Variants in TAB2 observed in about 807,000 individuals in gnomAD.
The protein encoded by TAB2 is TGF-beta-activated kinase 1 and MAP3K7-binding protein 2.
Under a neutral mutation model 65.0 loss-of-function variants are expected in TAB2, and 3 were observed. The observed-to-expected ratio is 0.05, with a 90% CI of 0.02 to 0.12. TAB2 has a LOEUF of 0.12. TAB2 is among the 10% of genes least tolerant of loss of function. The pLI is 1.00. For synonymous variants in TAB2, 298 were observed against 285.1 expected, an observed-to-expected ratio of 1.05 and a Z score of -0.46; for missense variants, 623 against 840.3, an observed-to-expected ratio of 0.74 and a Z score of 3.20.
intron 1 of TAB2, among the ~76,000 whole-genome samples, chr6:149,260,658 A>G (rs1476873528): frequency 2.0e-5 from 3 of 152,212 alleles, no homozygotes; most frequent in Non-Finnish European, 4.4e-5. Flanking sequence ...GGTCAAAAAT[A>G]GGCAAAACGA....
intron 2 of TAB2, 86 bp downstream of exon 2, chr6:149,370,185 C>T: frequency 8.6e-7 from 1 of 1,166,734 alleles, no homozygotes; most frequent in Non-Finnish European, 1.3e-6. Flanking sequence ...AGGTTATCTT[C>T]TTGTTGGTGT....
intron 2 of TAB2, among the ~76,000 whole-genome samples, chr6:149,373,778 A>C (rs1781308558): frequency 6.6e-6 from 1 of 152,194 alleles, no homozygotes; most frequent in Non-Finnish European, 1.5e-5. Flanking sequence ...ACCCCTTTTG[A>C]TACACTTCAA....
intron 1 of TAB2, among the ~76,000 whole-genome samples, chr6:149,360,031 C>CA (rs1479883226): frequency 6.6e-6 from 1 of 151,982 alleles, no homozygotes; most frequent in African/African-American, 2.4e-5. Context: ...AGTGAGATAC[C>CA]AGTAATAAAT....
At chr6:149,307,904 C>G (rs1180754831) in intron 1 of TAB2, among the ~76,000 whole-genome samples, 1 of 152,154 alleles carries the variant, frequency 6.6e-6, no homozygotes, top group African/African-American at 2.4e-5. Context: ...ATCTATCTTT[C>G]CAGACTTTTT....
intron 1 of TAB2, among the ~76,000 whole-genome samples, chr6:149,305,605 A>C (rs1779053989): frequency 6.6e-6 from 1 of 152,046 alleles, no homozygotes; most frequent in South Asian, 2.1e-4. Flanking sequence ...AAAGAAAAAA[A>C]AAAACAATAG....
At chr6:149,228,491 G>A (rs1005994252) in intron 1 of TAB2, among the ~76,000 whole-genome samples, 1 of 152,086 alleles carries the variant, frequency 6.6e-6, no homozygotes, top group Non-Finnish European at 1.5e-5. Context: ...ACTGTGAACC[G>A]TCCCCACCAT....
At chr6:149,244,189 C>T (rs1395375135) in intron 1 of TAB2, 3 of 152,238 alleles carry the variant, frequency 2.0e-5, no homozygotes, top group Non-Finnish European at 4.4e-5. Context: ...GGGAAACAGC[C>T]TCAATAAAAG....
At chr6:149,385,433 A>G (rs1781758877) in intron 3 of TAB2, among the ~76,000 whole-genome samples, 2 of 152,238 alleles carry the variant, frequency 1.3e-5, no homozygotes, top group African/African-American at 4.8e-5. Flanking sequence ...AGTCTGAGGC[A>G]GGAAGACTGC....
At chr6:149,294,041 A>G (rs1778830697) in intron 1 of TAB2, among the ~76,000 whole-genome samples, 1 of 152,252 alleles carries the variant, frequency 6.6e-6, no homozygotes, top group Non-Finnish European at 1.5e-5. Context: ...GAATTGCTGT[A>G]TAAATCCAGT....
intron 1 of TAB2, among the ~76,000 whole-genome samples, chr6:149,280,172 C>T (rs1232751947): frequency 6.6e-6 from 1 of 152,158 alleles, no homozygotes; most frequent in Non-Finnish European, 1.5e-5. Context: ...CCACAACTTT[C>T]TTGTTTCTTT....
chr6:149,357,430 A>AC (rs1554261743), intron 1 of TAB2, among the ~76,000 whole-genome samples: 2,703 of 111,176 alleles, frequency 0.024, 124 homozygotes, highest in African/African-American at 0.075. Context: ...AGAAAAAAAA[A>AC]ACACACACAC....
intron 1 of TAB2, among the ~76,000 whole-genome samples, chr6:149,308,653 C>T (rs936481459): frequency 3.3e-5 from 5 of 152,030 alleles, no homozygotes; most frequent in Admixed American, 1.3e-4. Context: ...CTCAGCCTCC[C>T]GAGTAGCTGG....
At chr6:149,318,195 A>G (rs1297881945) in intron 1 of TAB2, among the ~76,000 whole-genome samples, 180 bp downstream of exon 1, 1 of 149,486 alleles carries the variant, frequency 6.7e-6, no homozygotes, top group Non-Finnish European at 1.5e-5. Flanking sequence ...GGCGTGGCGG[A>G]GAGGGAGGCC....
chr6:149,280,408 C>G (rs1324670834), intron 1 of TAB2, among the ~76,000 whole-genome samples: 1 of 152,040 alleles, frequency 6.6e-6, no homozygotes, highest in Non-Finnish European at 1.5e-5. Flanking sequence ...GATTAGGAGC[C>G]CATTTATTTC....
chr6:149,259,950 C>A (rs2114666133), intron 1 of TAB2, among the ~76,000 whole-genome samples: 1 of 152,236 alleles, frequency 6.6e-6, no homozygotes, highest in Middle Eastern at 3.4e-3. Context: ...AGATGCTGAC[C>A]ATTTAAAAAA....
intron 1 of TAB2, among the ~76,000 whole-genome samples, chr6:149,311,149 T>C (rs1287765148): frequency 6.6e-6 from 1 of 152,216 alleles, no homozygotes; most frequent in Non-Finnish European, 1.5e-5. Flanking sequence ...TTCACATTGC[T>C]ACCTGCTTCG....
At chr6:149,348,093 A>G (rs537223484) in intron 1 of TAB2, among the ~76,000 whole-genome samples, 10 of 152,298 alleles carry the variant, frequency 6.6e-5, no homozygotes, top group African/African-American at 2.4e-4. Flanking sequence ...AGAAATTGTA[A>G]TTAGTAATAA....
At chr6:149,259,935 C>G (rs930993584) in intron 1 of TAB2, among the ~76,000 whole-genome samples, 3 of 152,114 alleles carry the variant, frequency 2.0e-5, no homozygotes, top group Non-Finnish European at 4.4e-5. Context: ...AGTCAAGAGT[C>G]AAATAGATGC....
At chr6:149,404,385 A>G (rs771699914) in intron 6 of TAB2, among the ~76,000 whole-genome samples, 6 of 152,224 alleles carry the variant, frequency 3.9e-5, no homozygotes, top group South Asian at 2.1e-4. Context: ...TACAGATTCA[A>G]TGTAATCCCT....
Sources: allele counts gnomAD v4.1 joint callset (sites outside exome capture counted in the v4.1 genomes callset), GRCh38; gene constraint gnomAD v4.1.1; transcripts MANE v1.5; gene names NCBI Gene and HGNC (gene_info 2026-07-23, HGNC 2026-07-21).